ICE2: variants seen among roughly 807,000 people sequenced by gnomAD.
The protein encoded by ICE2 is little elongation complex subunit 2.
Under a neutral mutation model 105.4 loss-of-function variants are expected in ICE2, and 87 were observed. The ratio of observed to expected loss-of-function variants is 0.83; its 90% confidence interval spans 0.69 to 0.99. The LOEUF is 0.99. Ranked by LOEUF, ICE2 falls within the 50% of genes least tolerant of loss-of-function variation. The probability of loss-of-function intolerance (pLI) is 0.00; values close to 1 mark genes in which losing one functional copy is unlikely to be tolerated. For missense variants in ICE2, 1,323 were observed against 1,146.7 expected, an observed-to-expected ratio of 1.15 and a Z score of -2.22; for synonymous variants, 399 against 392.0, an observed-to-expected ratio of 1.02 and a Z score of -0.21.
chr15:60,476,047 C>A lies in ICE2; in HGVS notation c.146+16G>T. On this transcript the variant is annotated intron_variant, in intron 3 of 15. Coordinates refer to ENST00000261520, the MANE Select transcript of ICE2 (RefSeq NM_024611.6). ...ACCATCAAATATGGAAATAAATAACCAAATAAACATATTACCTGTTGGATA... is the reference window on the plus strand; with the variant it reads ...ACCATCAAATATGGAAATAAATAACAAAATAAACATATTACCTGTTGGATA... The A allele has an allele frequency of 4.0e-6, 6 of 1,489,016 alleles. No homozygotes were observed. Among genetic ancestry groups the A allele is most frequent in the African/African-American group, 1.4e-5 (1 of 70,380 alleles). 92.2% of individuals were successfully genotyped at this position (1,489,016 alleles called of 1,614,324 possible). A position where few individuals can be genotyped will look rare whatever the true frequency, so the allele number is the denominator to read the frequency against.
At chr15:60,431,328 A>C (rs1003454171) in intron 14 of ICE2, among the ~76,000 whole-genome samples, 15 of 152,112 alleles carry the variant, frequency 9.9e-5, no homozygotes, top group East Asian at 1.9e-4. Context: ...TAAATTAAGG[A>C]TTTTGAGATG....
chr15:60,436,798 T>C (rs1425996503), intron 12 of ICE2, among the ~76,000 whole-genome samples: 1 of 151,814 alleles, frequency 6.6e-6, no homozygotes, highest in Non-Finnish European at 1.5e-5. Context: ...GATATTTATG[T>C]ATTATCATAA....
At chr15:60,441,059 T>C (rs768657488) in intron 12 of ICE2, 11 of 152,192 alleles carry the variant, frequency 7.2e-5, no homozygotes, top group Non-Finnish European at 1.6e-4. Context: ...TCTCTGTCAG[T>C]ACTTTAAACA....
chr15:60,446,818 T>C (rs2063832495), intron 11 of ICE2, among the ~76,000 whole-genome samples: 1 of 152,214 alleles, frequency 6.6e-6, no homozygotes, highest in South Asian at 2.1e-4. Flanking sequence ...TGGTCAGTGA[T>C]GATTCTTATT....
At position 60,468,227 on chromosome 15, in the gene ICE2, G is replaced by A; in HGVS notation, c.242C>T (p.Thr81Ile). ...TTTTGGAAGAAGAACCATTCCAATT[G>A]TGGTTTTAACTTTTTCCTTTGCTTG... is the stretch of plus-strand genomic sequence containing the variant. The part of the protein sequence containing the change: ...ATQAKEKVKT[T>I]IGMVLLPKPR... The change falls in exon 4 of 16, where the codon ACA becomes ATA. Residue 81 changes from threonine to isoleucine, a missense_variant. Transcript: ENST00000261520. 4 of 1,614,002 alleles carry A rather than the reference G, an allele frequency of 2.5e-6. No individual in the cohort carries two copies. Among genetic ancestry groups the A allele is most frequent in the Non-Finnish European group, 3.4e-6 (4 of 1,179,926 alleles).
In ICE2 at chr15:60,449,122, T is replaced by C. The variant is rs765622047; in HGVS notation, c.1845A>G (p.Val615=). 1.2e-6 allele frequency: 2 copies of C among 1,613,962 alleles called. No individual in the cohort carries two copies. Among genetic ancestry groups the C allele is most frequent in the Non-Finnish European group, 1.7e-6 (2 of 1,179,960 alleles). The change falls in exon 10 of 16, where the codon GTA becomes GTG. Residue 615 remains valine (V), a synonymous_variant. Coordinates refer to ENST00000261520, the MANE Select transcript of ICE2 (RefSeq NM_024611.6). ...SPNSSSGQAS[V]GNQTNTACSP... is the part of the protein sequence containing the mutation. ...TACAAGCAGTATTAGTCTGGTTTCC[T>C]ACAGAAGCCTGTCCTGAGGAAGAAT...
In ICE2 at chr15:60,456,560, TAAATAA is replaced by T. The variant is rs1379530170; in HGVS notation, c.666+91_666+96del. 1.3e-4 allele frequency: 11 copies of T among 83,326 alleles called. 1 individual carries two copies. The Admixed American group carries it at 1.6e-3, about 12-fold the overall frequency. 5.2% of individuals were successfully genotyped at this position (83,326 alleles called of 1,614,324 possible). A position where few individuals can be genotyped will look rare whatever the true frequency, so the allele number is the denominator to read the frequency against. Reference sequence around the variant, plus strand: ...GTCTCCAAAAAAAAAAATAAATAAATAAATAAATATATATATATATATATACACACA... The same window carrying T: ...GTCTCCAAAAAAAAAAATAAATAAATATATATATATATATATATACACACA... On this transcript the variant is annotated intron_variant, in intron 6 of 15. Coordinates refer to ENST00000261520, the MANE Select transcript of ICE2 (RefSeq NM_024611.6).
At chr15:60,446,452 G>T (rs2063824162) in intron 11 of ICE2, among the ~76,000 whole-genome samples, 1 of 152,136 alleles carries the variant, frequency 6.6e-6, no homozygotes, top group African/African-American at 2.4e-5. Context: ...CTGGAGTGCA[G>T]TGGTGCGATC....
rs147209405 is a variant in ICE2 at position 60,425,973 on chromosome 15, A to G, written c.2821-2211T>C. ...CTGGCTTTCAAAAATATATCAAACC[A>G]ACTATTAGTTATCTAATTGTCCACT... is the stretch of plus-strand genomic sequence containing the variant. On this transcript the variant is annotated intron_variant, in intron 15 of 15. Transcript: ENST00000261520. Among the ~76,000 whole-genome samples the G allele has an allele frequency of 3.9e-5, 6 of 152,264 alleles. No homozygotes were observed. In the East Asian group the frequency reaches 1.2e-3, roughly 29 times the overall value.
rs1179718354 is a variant in ICE2, at chr15:60,421,576, T to A, written c.*2058A>T. 1 of 152,246 alleles carries A rather than the reference T, an allele frequency of 6.6e-6. No individual in the cohort carries two copies. The highest frequency in any genetic ancestry group is 1.5e-5 in the Non-Finnish European group (1 of 68,038). 9.4% of individuals were successfully genotyped at this position (152,246 alleles called of 1,614,324 possible). The stretch of plus-strand genomic sequence containing the variant: ...ATATTTAAAAATTAAAAGGCAAGTC[T>A]TTCTGGTATTCAGAAGTCTGAAGCA... On this transcript the variant is annotated 3_prime_UTR_variant, in exon 16 of 16. Coordinates refer to ENST00000261520, the MANE Select transcript of ICE2 (RefSeq NM_024611.6).
Position 60,448,891 on chromosome 15 carries a change from C to T in ICE2, c.2076G>A (p.Trp692Ter). 3 of 1,599,584 alleles carry T rather than the reference C, an allele frequency of 1.9e-6. No individual in the cohort carries two copies. The highest frequency in any genetic ancestry group is 2.6e-6 in the Non-Finnish European group (3 of 1,175,812). The change falls in exon 10 of 16, where the codon TGG (tryptophan) becomes TGA (stop). Residue 692 changes from tryptophan (W) to a stop codon, truncating the protein, a stop_gained. Coordinates refer to ENST00000261520, the MANE Select transcript of ICE2 (RefSeq NM_024611.6). LOFTEE classifies it high-confidence loss of function. ...QLSGPSDSSS[W>*]PKSGWPSAFQ... ...ATGCAGAAGGCCATCCAGATTTCGG[C>T]CAACTAGAGGAGTCTGAAGGACCAG...
At chr15:60,427,407 A>C (rs1881356757) in intron 15 of ICE2, among the ~76,000 whole-genome samples, 2 of 152,154 alleles carry the variant, frequency 1.3e-5, no homozygotes, top group African/African-American at 4.8e-5. Flanking sequence ...ATTTGTAGAG[A>C]GCAAAACTTT....
At chr15:60,453,457 G>A in intron 9 of ICE2, 146 bp downstream of exon 9, 1 of 1,416,392 alleles carries the variant, frequency 7.1e-7, no homozygotes, top group Non-Finnish European at 9.2e-7. Flanking sequence ...GTTGCCTAAA[G>A]TCCAGCTAGA....
chr15:60,453,592 G>C lies in ICE2; in HGVS notation c.1125+11C>G, dbSNP rs1210513235. 6.2e-7 allele frequency: 1 copy of C among 1,609,666 alleles called. No homozygotes were observed. Among genetic ancestry groups the C allele is most frequent in the Admixed American group, 1.7e-5 (1 of 59,432 alleles). ...ACATTCCCCTTAGGGGAAAAAAAAA[G>C]CATTACATACGTCCATTTCAGATAT... is the stretch of plus-strand genomic sequence containing the variant. On this transcript the variant is annotated intron_variant, in intron 9 of 15. Transcript: ENST00000261520.
At position 60,468,302 on chromosome 15, in the gene ICE2, T is replaced by C; in HGVS notation, c.167A>G (p.Asn56Ser). The change falls in exon 4 of 16, where the codon AAT becomes AGT. Residue 56 changes from asparagine (N) to serine (S), a missense_variant. Physicochemically the swap from Asn to Ser is conservative, Grantham distance 46. Transcript: ENST00000261520. ...LSNRRIGENLNASASSVENEP... is the reference protein window; with the variant it reads ...LSNRRIGENLSASASSVENEP... ...ATTTTCTACAGAACTTGCTGAGGCA[T>C]TCAAATTTTCTCCTATACGTCTGGA... 6.2e-7 allele frequency: 1 copy of C among 1,607,018 alleles called. No homozygotes were observed. Among genetic ancestry groups the C allele is most frequent in the East Asian group, 2.2e-5 (1 of 44,652 alleles).
In ICE2 at chr15:60,456,711, G is replaced by A. The variant is rs375249954; in HGVS notation, c.612C>T (p.Phe204=). 2.0e-5 allele frequency: 32 copies of A among 1,591,322 alleles called. No individual in the cohort carries two copies. In the African/African-American group the frequency reaches 4.1e-4, roughly 20 times the overall value. The part of the protein sequence containing the change: ...TLHEVTSLMG[F]FPFRVEMGLK... ...ATCCCATCTCTACTCTGAATGGGAA[G>A]AATCCCATTAAGCTGGTGACCTCGT... The change falls in exon 6 of 16, where the codon TTC becomes TTT. Residue 204 remains phenylalanine (F), a synonymous_variant. Coordinates refer to ENST00000261520, the MANE Select transcript of ICE2 (RefSeq NM_024611.6).
chr15:60,441,416 C>A (rs2063717419), intron 12 of ICE2: 1 of 152,164 alleles, frequency 6.6e-6, no homozygotes, highest in South Asian at 2.1e-4. Context: ...TTAAGAAACA[C>A]ACCCTCATAG....
intron 5 of ICE2, among the ~76,000 whole-genome samples, chr15:60,458,740 C>A (rs1333302459): frequency 2.6e-5 from 4 of 152,018 alleles, no homozygotes; most frequent in Non-Finnish European, 5.9e-5. Flanking sequence ...CGCGCACACA[C>A]AAACACACAC....
Position 60,449,647 on chromosome 15 carries a change from T to A in ICE2, c.1320A>T (p.Thr440=). 6.2e-7 allele frequency: 1 copy of A among 1,614,154 alleles called. No homozygotes were observed. The highest frequency in any genetic ancestry group is 8.5e-7 in the Non-Finnish European group (1 of 1,180,030). ...DAPTAPKAGT[T]TVAPSAPDIS... is the part of the protein sequence containing the mutation. Reference sequence around the variant, plus strand: ...TGTCTGGTGCACTTGGTGCCACAGTTGTAGTTCCTGCTTTGGGGGCTGTAG... The same window carrying A: ...TGTCTGGTGCACTTGGTGCCACAGTAGTAGTTCCTGCTTTGGGGGCTGTAG... The change falls in exon 10 of 16, where the codon ACA becomes ACT. Residue 440 remains threonine (T), a synonymous_variant. Transcript: ENST00000261520.
Sources: allele counts gnomAD v4.1 joint callset (sites outside exome capture counted in the v4.1 genomes callset), GRCh38; gene constraint gnomAD v4.1.1; transcripts MANE v1.5; gene names NCBI Gene and HGNC (gene_info 2026-07-23, HGNC 2026-07-21).